The following EYS variants were observed in gnomAD, a reference collection of about 807,000 sequenced individuals.
EYS encodes EGF-like photoreceptor maintenance factor, also known as protein eyes shut homolog.
A neutral mutation model predicts 282.1 loss-of-function variants in EYS; 250 were observed. The observed-to-expected ratio is 0.89, with a 90% CI of 0.80 to 0.98. The LOEUF is 0.98. Among genes scored for constraint, EYS ranks in the 50% least tolerant of loss-of-function variants. The pLI, the probability that EYS is intolerant of heterozygous loss-of-function variation, is 0.00. For missense variants in EYS, 4,016 were observed against 3,709.0 expected, an observed-to-expected ratio of 1.08 and a Z score of -2.15; for synonymous variants, 1,355 against 1,282.9, an observed-to-expected ratio of 1.06 and a Z score of -1.20.
intron 31 of EYS, among the ~76,000 whole-genome samples, chr6:64,085,340 G>GCGCGCACACACACACACACACACACA (rs112388321): frequency 2.9e-4 from 40 of 139,886 alleles, no homozygotes; most frequent in African/African-American, 9.2e-4. Flanking sequence ...ACGTGCGCGC[G>GCGCGCACACACACACACACACACACA]CACACACACA....
chr6:65,530,674 C>G (rs1356553542), intron 2 of EYS, among the ~76,000 whole-genome samples: 1 of 152,030 alleles, frequency 6.6e-6, no homozygotes, highest in South Asian at 2.1e-4. Flanking sequence ...TTGACAAAAT[C>G]ATTTAGTTAA....
chr6:64,896,816 G>C (rs1348754721), intron 18 of EYS, among the ~76,000 whole-genome samples: 1 of 152,110 alleles, frequency 6.6e-6, no homozygotes, highest in Non-Finnish European at 1.5e-5. Flanking sequence ...TCCCCTCACA[G>C]TGTGAACAAA....
intron 28 of EYS, among the ~76,000 whole-genome samples, chr6:64,416,897 G>A (rs1774074735): frequency 6.6e-6 from 1 of 152,048 alleles, no homozygotes; most frequent in African/African-American, 2.4e-5. Flanking sequence ...GATACTAAAT[G>A]GTTTCACCTA....
chr6:64,911,323 C>T (rs1435554561), intron 16 of EYS, among the ~76,000 whole-genome samples: 6 of 151,950 alleles, frequency 3.9e-5, no homozygotes, highest in Non-Finnish European at 7.4e-5. Flanking sequence ...CTCTATAAAG[C>T]CCATGCTATT....
chr6:65,241,076 A>G lies in EYS; in HGVS notation c.2023+54787T>C, dbSNP rs142581269. Among the ~76,000 whole-genome samples, 484 of 152,298 alleles carry G rather than the reference A, an allele frequency of 3.2e-3. 5 individuals are homozygous for G. Among genetic ancestry groups the G allele is most frequent in the African/African-American group, 0.011 (456 of 41,566 alleles). ...TACAAATACTTACTAATTTCACTTT[A>G]CATGGTAGAAAATGACTGGTTTTGT... On this transcript the variant is annotated intron_variant, in intron 12 of 42. Transcript: ENST00000503581.
intron 31 of EYS, among the ~76,000 whole-genome samples, chr6:64,198,242 C>T (rs1053500467): frequency 2.0e-5 from 3 of 151,378 alleles, no homozygotes; most frequent in African/African-American, 7.3e-5. Context: ...CTCCTGACCT[C>T]GTGATCCTCC....
At chr6:65,514,472 G>T (rs1164441114) in intron 2 of EYS, among the ~76,000 whole-genome samples, 2 of 152,164 alleles carry the variant, frequency 1.3e-5, no homozygotes, top group Admixed American at 6.5e-5. Context: ...AAAAGAGCTT[G>T]CATTGCCAAG....
At chr6:64,658,424 T>C (rs4275041) in intron 22 of EYS, among the ~76,000 whole-genome samples, 96,824 of 151,548 alleles carry the variant, frequency 0.64, 31,121 homozygotes, top group African/African-American at 0.71. Flanking sequence ...GGAGGAGAGG[T>C]ACTCTGATTT....
chr6:65,520,352 T>C (rs1767320519), intron 2 of EYS, among the ~76,000 whole-genome samples: 1 of 152,168 alleles, frequency 6.6e-6, no homozygotes, highest in South Asian at 2.1e-4. Flanking sequence ...TTATTTTTAA[T>C]GAGTGTAACA....
intron 2 of EYS, among the ~76,000 whole-genome samples, chr6:65,502,135 T>C (rs1318844772): frequency 6.6e-6 from 1 of 151,748 alleles, no homozygotes; most frequent in Non-Finnish European, 1.5e-5. Flanking sequence ...AGCTTAAGTA[T>C]ATAAAAGTCA....
At chr6:65,326,016 A>G (rs1769608536) in intron 11 of EYS, among the ~76,000 whole-genome samples, 1 of 152,114 alleles carries the variant, frequency 6.6e-6, no homozygotes, top group South Asian at 2.1e-4. Context: ...CCCTTTGATC[A>G]TAATTTTAAT....
At chr6:63,857,627 G>A in intron 36 of EYS, 1 of 440,210 alleles carries the variant, frequency 2.3e-6, no homozygotes, top group Non-Finnish European at 4.7e-6. Context: ...TGCTCAGTGT[G>A]CATTTTCTGG....
intron 8 of EYS, among the ~76,000 whole-genome samples, chr6:65,381,626 A>C (rs1765613725): frequency 6.6e-6 from 1 of 152,006 alleles, no homozygotes; most frequent in African/African-American, 2.4e-5. Context: ...CCAGAACTTA[A>C]AGCAAAATAA....
intron 22 of EYS, among the ~76,000 whole-genome samples, chr6:64,756,911 A>T (rs1360470454): frequency 6.6e-6 from 1 of 150,526 alleles, no homozygotes; most frequent in Non-Finnish European, 1.5e-5. Context: ...AACAGATGTG[A>T]TACTCCCTGA....
chr6:64,209,403 T>A (rs1451111870), intron 31 of EYS, among the ~76,000 whole-genome samples: 2 of 152,190 alleles, frequency 1.3e-5, no homozygotes, highest in Non-Finnish European at 2.9e-5. Context: ...GAAAACTGAT[T>A]AAGCTGAAAT....
intron 22 of EYS, among the ~76,000 whole-genome samples, chr6:64,705,927 T>TA (rs1463904043): frequency 6.6e-6 from 1 of 151,056 alleles, no homozygotes; most frequent in Non-Finnish European, 1.5e-5. Flanking sequence ...ATGGCACATG[T>TA]ATACATATGT....
In EYS at chr6:65,220,435, G is replaced by C. The variant is rs76969737; in HGVS notation, c.2023+75428C>G. 3.1e-3 allele frequency among the ~76,000 whole-genome samples: 470 copies of C among 152,212 alleles called. 5 individuals are homozygous for C. The highest frequency in any genetic ancestry group is 0.02 in the Admixed American group (303 of 15,296). On this transcript the variant is annotated intron_variant, in intron 12 of 42. Coordinates refer to ENST00000503581, the MANE Select transcript of EYS (RefSeq NM_001142800.2). ...ATAGTGAATAAGCCTCATGAGATTTGATAGTTTATAAAGAAAAATTCCTTG... is the reference window on the plus strand; with the variant it reads ...ATAGTGAATAAGCCTCATGAGATTTCATAGTTTATAAAGAAAAATTCCTTG...
chr6:64,728,258 AC>A (rs907142633), intron 22 of EYS, among the ~76,000 whole-genome samples: 1 of 150,364 alleles, frequency 6.7e-6, no homozygotes, highest in Admixed American at 6.6e-5. Flanking sequence ...TTTGTTTTAA[AC>A]CTGTGTAAAA....
At chr6:63,875,289 T>G (rs1314978314) in intron 35 of EYS, among the ~76,000 whole-genome samples, 2 of 152,244 alleles carry the variant, frequency 1.3e-5, no homozygotes, top group Non-Finnish European at 2.9e-5. Context: ...GATTTGCTTA[T>G]GTTGAACCAG....
Sources: allele counts gnomAD v4.1 joint callset (sites outside exome capture counted in the v4.1 genomes callset), GRCh38; gene constraint gnomAD v4.1.1; transcripts MANE v1.5; gene names NCBI Gene and HGNC (gene_info 2026-07-23, HGNC 2026-07-21).